Variants in CAMK2B observed in about 807,000 individuals in gnomAD.
The protein encoded by CAMK2B is calcium/calmodulin-dependent protein kinase type II subunit beta.
A neutral mutation model predicts 93.7 loss-of-function variants in CAMK2B; 27 were observed. That is an observed-to-expected ratio of 0.29 (90% CI 0.21 to 0.40). The LOEUF is 0.40. Ranked by LOEUF, CAMK2B falls within the 10% of genes least tolerant of loss-of-function variation. The pLI is 1.00. For missense variants in CAMK2B, 568 were observed against 895.8 expected (o/e 0.63, Z 4.67); for synonymous variants, 374 against 358.8 (o/e 1.04, Z -0.48).
intron 1 of CAMK2B, among the ~76,000 whole-genome samples, chr7:44,322,318 C>A (rs1048515487): frequency 6.6e-6 from 1 of 152,072 alleles, no homozygotes; most frequent in Admixed American, 6.5e-5. Flanking sequence ...CCCGAAAGAG[C>A]CTGGGAGGAA....
At chr7:44,232,962 G>C in intron 15 of CAMK2B, 96 bp from the exon 16 acceptor site, 1 of 1,114,282 alleles carries the variant, frequency 9.0e-7, no homozygotes, top group Non-Finnish European at 1.4e-6. Context: ...AGACAGAGGA[G>C]GTGTGGGTGG....
At chr7:44,302,157 G>T (rs1173548782) in intron 1 of CAMK2B, among the ~76,000 whole-genome samples, 1 of 152,138 alleles carries the variant, frequency 6.6e-6, no homozygotes, top group Admixed American at 6.5e-5. Context: ...TAGATAATAT[G>T]AACCAACTCC....
intron 1 of CAMK2B, among the ~76,000 whole-genome samples, chr7:44,293,580 G>A (rs970009071): frequency 1.3e-5 from 2 of 152,190 alleles, no homozygotes; most frequent in African/African-American, 4.8e-5. Context: ...CAAGGGCTAG[G>A]GGAAAATAGT....
chr7:44,287,285 G>A (rs1164684753), intron 1 of CAMK2B, among the ~76,000 whole-genome samples: 1 of 152,056 alleles, frequency 6.6e-6, no homozygotes, highest in African/African-American at 2.4e-5. Context: ...TCCTCTGGGG[G>A]ACTTAAGGAA....
At chr7:44,288,754 T>C (rs1386844460) in intron 1 of CAMK2B, among the ~76,000 whole-genome samples, 1 of 152,132 alleles carries the variant, frequency 6.6e-6, no homozygotes, top group Non-Finnish European at 1.5e-5. Flanking sequence ...GGGGAAGAAT[T>C]AGTTCTGGGT....
intron 8 of CAMK2B, 68 bp from the exon 9 acceptor site, chr7:44,242,722 G>T: frequency 1.8e-6 from 2 of 1,092,192 alleles, no homozygotes; most frequent in African/African-American, 1.5e-5. Context: ...CCCATGCCCT[G>T]CACCCTCACT....
At chr7:44,228,737 G>C (rs772012531) in intron 19 of CAMK2B, 59 bp downstream of exon 19, 1 of 1,404,552 alleles carries the variant, frequency 7.1e-7, no homozygotes, top group Non-Finnish European at 9.3e-7. Context: ...GCTGAGCGCC[G>C]GCCATTCGCA....
chr7:44,234,546 G>A, intron 14 of CAMK2B, 85 bp from the exon 15 acceptor site: 1 of 1,588,994 alleles, frequency 6.3e-7, no homozygotes, highest in Non-Finnish European at 8.6e-7. Context: ...GGGCATGGGG[G>A]GAGGGGGACT....
chr7:44,228,919 TG>T lies in CAMK2B; in HGVS notation c.1344del (p.Arg449GlyfsTer6). On this transcript the variant is annotated frameshift_variant, in exon 19 of 24. Transcript: ENST00000395749. LOFTEE classifies it high-confidence loss of function. ...ACAGAGTTCAGGATGTCAGAGATCC[TG>T]GGGGCTGGGGTGGAACAGATGAGAC... is the stretch of plus-strand genomic sequence containing the variant. ...APFSPLPAPS[P>X]RISDILNSVR... 1 of 1,607,286 alleles carries T rather than the reference TG, an allele frequency of 6.2e-7. No homozygotes were observed. Among genetic ancestry groups the T allele is most frequent in the Non-Finnish European group, 8.5e-7 (1 of 1,176,686 alleles).
chr7:44,307,112 A>AG (rs1792003804), intron 1 of CAMK2B, among the ~76,000 whole-genome samples: 1 of 65,604 alleles, frequency 1.5e-5, no homozygotes, highest in Non-Finnish European at 3.0e-5. Flanking sequence ...GGGTGTGAGC[A>AG]GGAGGAGGGT....
Position 44,226,545 on chromosome 7 carries a change from G to A in CAMK2B, c.1568C>T (p.Pro523Leu), listed in dbSNP as rs371087765. The part of the protein sequence containing the change: ...SPVGPPPCPS[P>L]TIPGPLPTPS... The stretch of plus-strand genomic sequence containing the variant: ...GGTGGGCAGGGGGCCAGGGATAGTC[G>A]GAGATGGGCAGGGCGGGGGCCCCAC... The change falls in exon 20 of 24, where the codon CCG becomes CTG. Residue 523 changes from proline (P) to leucine (L), a missense_variant. Coordinates refer to ENST00000395749, the MANE Select transcript of CAMK2B (RefSeq NM_001220.5). 117 of 1,473,970 alleles carry A rather than the reference G, an allele frequency of 7.9e-5. No homozygotes were observed. Among genetic ancestry groups the A allele is most frequent in the Non-Finnish European group, 9.5e-5 (106 of 1,116,766 alleles). 91.3% of individuals were successfully genotyped at this position (1,473,970 alleles called of 1,614,324 possible).
intron 1 of CAMK2B, among the ~76,000 whole-genome samples, chr7:44,300,656 A>T (rs888293443): frequency 6.6e-6 from 1 of 152,252 alleles, no homozygotes; most frequent in East Asian, 1.9e-4. Flanking sequence ...AACTGTAAGG[A>T]TAAAAAGATG....
At chr7:44,235,945 C>T (rs1420156162) in intron 13 of CAMK2B, among the ~76,000 whole-genome samples, 7 of 152,214 alleles carry the variant, frequency 4.6e-5, no homozygotes, top group African/African-American at 1.7e-4. Flanking sequence ...ACGTTTCAAC[C>T]TAGGACTGCA....
chr7:44,302,446 T>C (rs577379963), intron 1 of CAMK2B, among the ~76,000 whole-genome samples: 2 of 152,184 alleles, frequency 1.3e-5, no homozygotes, highest in African/African-American at 4.8e-5. Flanking sequence ...AGGACATTAT[T>C]TAAAGAAAAG....
chr7:44,239,778 A>C (rs1325767860), intron 12 of CAMK2B, 115 bp from the exon 13 acceptor site: 1 of 730,966 alleles, frequency 1.4e-6, no homozygotes, highest in East Asian at 2.7e-5. Context: ...TTAGAGTTAA[A>C]GTTTAGGTGA....
At chr7:44,324,323 G>A (rs1332563200) in intron 1 of CAMK2B, among the ~76,000 whole-genome samples, 3 of 152,338 alleles carry the variant, frequency 2.0e-5, no homozygotes, top group East Asian at 3.9e-4. Flanking sequence ...GAGGACGCAG[G>A]AGGATGGGGC....
At chr7:44,267,249 G>C (rs2096928746) in intron 2 of CAMK2B, among the ~76,000 whole-genome samples, 1 of 152,296 alleles carries the variant, frequency 6.6e-6, no homozygotes, top group South Asian at 2.1e-4. Context: ...TTCCAGGGCA[G>C]ACAGTCCCTG....
At position 44,225,470 on chromosome 7, in the gene CAMK2B, C is replaced by T. The variant is rs561194219; in HGVS notation, c.1597+1046G>A. On this transcript the variant is annotated intron_variant, in intron 20 of 23. Coordinates refer to ENST00000395749, the MANE Select transcript of CAMK2B (RefSeq NM_001220.5). The surrounding 1 kb of genome is among the most constrained non-coding windows in gnomAD (Gnocchi z 5.0). ...TCAGCATCAAGAACCTGGCCTCTCC[C>T]CTCAGCTGCTTGCCTCTGATCCCCT... 2.6e-5 allele frequency among the ~76,000 whole-genome samples: 4 copies of T among 152,258 alleles called. 1 individual carries two copies. The East Asian group carries it at 7.7e-4, about 29-fold the overall frequency.
At chr7:44,298,557 T>A (rs932300516) in intron 1 of CAMK2B, among the ~76,000 whole-genome samples, 2 of 152,154 alleles carry the variant, frequency 1.3e-5, no homozygotes, top group African/African-American at 4.8e-5. Flanking sequence ...AATACAAAAT[T>A]TTTGTGCATC....
Sources: gnomAD v4.1 joint callset for allele counts (sites outside exome capture counted in the v4.1 genomes callset) on GRCh38, gnomAD v4.1.1 for gene constraint, Gnocchi (gnomAD v3.1) non-coding constraint, MANE v1.5 for transcripts, NCBI Gene and HGNC (gene_info 2026-07-23, HGNC 2026-07-21) for gene names.